SPAG16: variants seen among roughly 807,000 people sequenced by gnomAD.
SPAG16 encodes sperm-associated antigen 16 protein.
In SPAG16, 86 loss-of-function variants were observed where a neutral mutation model predicts 80.4. The observed-to-expected ratio is 1.07, with a 90% CI of 0.90 to 1.28. SPAG16 has a LOEUF of 1.28. Ranked by LOEUF, SPAG16 falls within the 50% of genes most tolerant of loss-of-function variation. The pLI is 0.00. For synonymous variants in SPAG16, 294 were observed against 265.9 expected (o/e 1.11, Z -1.03); for missense variants, 870 against 765.3 (o/e 1.14, Z -1.61).
At chr2:213,803,039 A>C (rs2071518595) in intron 10 of SPAG16, among the ~76,000 whole-genome samples, 1 of 152,038 alleles carries the variant, frequency 6.6e-6, no homozygotes, top group South Asian at 2.1e-4. Flanking sequence ...TTTTTGTATA[A>C]CCTATATCTG....
chr2:214,141,423 G>A (rs1282710402), intron 14 of SPAG16, among the ~76,000 whole-genome samples: 1 of 151,342 alleles, frequency 6.6e-6, no homozygotes, highest in Non-Finnish European at 1.5e-5. Flanking sequence ...GCCCAGATCA[G>A]GCCACTGCAC....
At chr2:213,574,098 T>C (rs2060027246) in intron 10 of SPAG16, among the ~76,000 whole-genome samples, 1 of 152,232 alleles carries the variant, frequency 6.6e-6, no homozygotes, top group Non-Finnish European at 1.5e-5. Flanking sequence ...TTTATTTTTA[T>C]CCAGTAAAAC....
chr2:214,267,595 T>G (rs1443437883), intron 15 of SPAG16, among the ~76,000 whole-genome samples: 4 of 151,922 alleles, frequency 2.6e-5, no homozygotes, highest in African/African-American at 9.6e-5. Flanking sequence ...GTCTGGGCAA[T>G]GATTTATTGG....
intron 10 of SPAG16, among the ~76,000 whole-genome samples, chr2:213,583,116 T>C (rs1050177256): frequency 3.3e-5 from 5 of 152,156 alleles, no homozygotes; most frequent in Admixed American, 3.3e-4. Flanking sequence ...AAGTAGAGCA[T>C]CTTAAAAGAA....
chr2:214,204,009 C>T (rs1160452427), intron 15 of SPAG16, among the ~76,000 whole-genome samples: 1 of 152,142 alleles, frequency 6.6e-6, no homozygotes, highest in Non-Finnish European at 1.5e-5. Flanking sequence ...GGAGTGAGAC[C>T]AGCCTTTTGG....
intron 10 of SPAG16, among the ~76,000 whole-genome samples, chr2:213,768,387 G>A (rs998991776): frequency 1.3e-5 from 2 of 152,190 alleles, no homozygotes; most frequent in African/African-American, 2.4e-5. Flanking sequence ...ATGAGCAAGA[G>A]TGTAGACAGA....
At chr2:213,294,676 C>T (rs1036170777) in intron 1 of SPAG16, among the ~76,000 whole-genome samples, 3 of 152,006 alleles carry the variant, frequency 2.0e-5, no homozygotes, top group Non-Finnish European at 4.4e-5. Flanking sequence ...CTTAAGTGTC[C>T]CTGCAAGGGA....
intron 5 of SPAG16, among the ~76,000 whole-genome samples, chr2:213,323,380 G>T (rs545686923): frequency 2.0e-5 from 3 of 152,252 alleles, no homozygotes; most frequent in South Asian, 2.1e-4. Flanking sequence ...GGCGGAGCTT[G>T]CAGTGAGCCG....
intron 15 of SPAG16, among the ~76,000 whole-genome samples, chr2:214,393,025 G>A (rs2126130561): frequency 6.6e-6 from 1 of 152,192 alleles, no homozygotes; most frequent in South Asian, 2.1e-4. Flanking sequence ...GGTATTGCTG[G>A]GAATGAAACT....
chr2:213,719,054 G>T (rs10153940), intron 10 of SPAG16, among the ~76,000 whole-genome samples: 140,523 of 151,822 alleles, frequency 0.93, 65,993 homozygotes, highest in East Asian at 1. Flanking sequence ...AGTGCACCAG[G>T]CGACACTCGG....
At chr2:214,371,338 G>A (rs1034765403) in intron 15 of SPAG16, among the ~76,000 whole-genome samples, 3 of 151,890 alleles carry the variant, frequency 2.0e-5, no homozygotes, top group Non-Finnish European at 4.4e-5. Context: ...TTCAAGACCA[G>A]CCTGACCAAC....
At chr2:214,295,243 T>C (rs1559190299) in intron 15 of SPAG16, among the ~76,000 whole-genome samples, 2 of 152,216 alleles carry the variant, frequency 1.3e-5, no homozygotes, top group Non-Finnish European at 2.9e-5. Context: ...ATTCAACTAA[T>C]GGATCCATGA....
At chr2:213,574,980 G>A (rs563887063) in intron 10 of SPAG16, among the ~76,000 whole-genome samples, 5 of 152,042 alleles carry the variant, frequency 3.3e-5, no homozygotes, top group Admixed American at 6.6e-5. Flanking sequence ...ACCATTATCC[G>A]TTATTTTCCC....
intron 13 of SPAG16, among the ~76,000 whole-genome samples, chr2:214,095,276 C>T (rs2125334541): frequency 6.6e-6 from 1 of 152,156 alleles, no homozygotes; most frequent in East Asian, 1.9e-4. Flanking sequence ...TAGCTCATCA[C>T]ATATAACAGA....
intron 10 of SPAG16, among the ~76,000 whole-genome samples, chr2:213,725,776 A>G (rs1199627659): frequency 6.6e-6 from 1 of 152,240 alleles, no homozygotes; most frequent in Non-Finnish European, 1.5e-5. Context: ...GTATGTAACA[A>G]CATGGCTGAT....
intron 9 of SPAG16, among the ~76,000 whole-genome samples, chr2:213,467,673 C>T (rs2072778137): frequency 6.6e-6 from 1 of 152,192 alleles, no homozygotes; most frequent in African/African-American, 2.4e-5. Context: ...ATGGCAATGA[C>T]ATTTTGAGTT....
chr2:213,602,939 C>T (rs1157836995), intron 10 of SPAG16, among the ~76,000 whole-genome samples: 2 of 152,186 alleles, frequency 1.3e-5, no homozygotes, highest in Non-Finnish European at 2.9e-5. Context: ...ATATTGCATT[C>T]AGGTGTTTAA....
chr2:213,666,540 G>T (rs556737624), intron 10 of SPAG16, among the ~76,000 whole-genome samples: 1 of 152,248 alleles, frequency 6.6e-6, no homozygotes, highest in East Asian at 1.9e-4. Flanking sequence ...CCCAATCAGG[G>T]ATCTACTTTC....
At chr2:213,651,285 A>G (rs2063009203) in intron 10 of SPAG16, among the ~76,000 whole-genome samples, 1 of 152,174 alleles carries the variant, frequency 6.6e-6, no homozygotes, top group South Asian at 2.1e-4. Flanking sequence ...GGGCAGGATC[A>G]GTCAGGAAGG....
Sources: gnomAD v4.1 joint callset for allele counts (sites outside exome capture counted in the v4.1 genomes callset) on GRCh38, gnomAD v4.1.1 for gene constraint, MANE v1.5 for transcripts, NCBI Gene and HGNC (gene_info 2026-07-23, HGNC 2026-07-21) for gene names.